Variants in FOXJ3 observed in about 807,000 individuals in gnomAD.
The protein encoded by FOXJ3 is forkhead box J3, also known as forkhead box protein J3.
In FOXJ3, 22 loss-of-function variants were observed where a neutral mutation model predicts 76.1. The ratio of observed to expected loss-of-function variants is 0.29; its 90% CI spans 0.21 to 0.41. The LOEUF is 0.41. Ranked by LOEUF, FOXJ3 falls within the 10% of genes least tolerant of loss-of-function variation. The probability of loss-of-function intolerance (pLI) is 1.00; values close to 1 mark genes in which losing one functional copy is unlikely to be tolerated. For missense variants in FOXJ3, 613 were observed against 762.1 expected, an observed-to-expected ratio of 0.80 and a Z score of 2.30; for synonymous variants, 269 against 261.2, an observed-to-expected ratio of 1.03 and a Z score of -0.29.
At chr1:42,225,901 A>G (rs1647518094) in intron 5 of FOXJ3, among the ~76,000 whole-genome samples, 1 of 152,222 alleles carries the variant, frequency 6.6e-6, no homozygotes, top group African/African-American at 2.4e-5. Flanking sequence ...TTAATAAAAC[A>G]AGGTAACAAG....
intron 5 of FOXJ3, among the ~76,000 whole-genome samples, chr1:42,214,810 T>C (rs77617645): frequency 2.2e-3 from 336 of 152,274 alleles, no homozygotes; most frequent in Non-Finnish European, 3.4e-3. Flanking sequence ...AAGGCAATCC[T>C]GTAAGAGAGA....
chr1:42,325,588 C>T (rs1655785282), intron 1 of FOXJ3, among the ~76,000 whole-genome samples: 1 of 152,130 alleles, frequency 6.6e-6, no homozygotes, highest in Non-Finnish European at 1.5e-5. Context: ...TCCAATGTAC[C>T]TGGATGAAAA....
intron 4 of FOXJ3, among the ~76,000 whole-genome samples, chr1:42,236,743 C>T (rs1648667341): frequency 6.6e-6 from 1 of 152,148 alleles, no homozygotes; most frequent in South Asian, 2.1e-4. Context: ...TACAAGTGAA[C>T]TCAAACTGTG....
intron 2 of FOXJ3, among the ~76,000 whole-genome samples, chr1:42,303,229 T>C (rs1365788192): frequency 6.6e-6 from 1 of 152,220 alleles, no homozygotes; most frequent in Non-Finnish European, 1.5e-5. Context: ...CTATCCCTAA[T>C]TACCTATATA....
chr1:42,322,784 A>C (rs1407374330), intron 1 of FOXJ3, among the ~76,000 whole-genome samples: 1 of 152,130 alleles, frequency 6.6e-6, no homozygotes, highest in South Asian at 2.1e-4. Flanking sequence ...TGAGAACTGA[A>C]TATGAGCCAA....
rs960624303 is a variant in FOXJ3, at chr1:42,324,058, G to A, written c.-18+11001C>T. On this transcript the variant is annotated intron_variant, in intron 1 of 12. Transcript: ENST00000361346. ...ACACACTATATATAGTATATACACT[G>A]TATATACACAGTGTATATATAGTAT... Among the ~76,000 whole-genome samples, 604 of 99,522 alleles carry A rather than the reference G, an allele frequency of 6.1e-3. 11 individuals carry two copies. Among genetic ancestry groups the A allele is most frequent in the African/African-American group, 0.019 (481 of 25,150 alleles). The allele number at this position is 99,522 out of a possible 152,430, so 65.3% of individuals were successfully genotyped here. A position where few individuals can be genotyped will look rare whatever the true frequency, so the allele number is the denominator to read the frequency against.
chr1:42,241,687 G>A (rs967759700), intron 4 of FOXJ3, among the ~76,000 whole-genome samples: 8 of 152,088 alleles, frequency 5.3e-5, no homozygotes, highest in Non-Finnish European at 1.0e-4. Context: ...ATACCACTTC[G>A]GATCCCAAGG....
chr1:42,244,150 C>T (rs1191121857), intron 4 of FOXJ3, among the ~76,000 whole-genome samples: 1 of 151,920 alleles, frequency 6.6e-6, no homozygotes, highest in African/African-American at 2.4e-5. Context: ...CATACCAAAA[C>T]CTATGGAGTA....
At chr1:42,254,080 T>C (rs1650358856) in intron 4 of FOXJ3, among the ~76,000 whole-genome samples, 1 of 151,858 alleles carries the variant, frequency 6.6e-6, no homozygotes, top group Admixed American at 6.6e-5. Flanking sequence ...AAAGGGCTAA[T>C]ATCCAGAATC....
rs992742134 is a variant in FOXJ3, at chr1:42,217,527, C to CA, written c.528+10355dup. Among the ~76,000 whole-genome samples the CA allele has an allele frequency of 6.5e-3, 899 of 138,238 alleles. 13 individuals are homozygous for CA. Among genetic ancestry groups the CA allele is most frequent in the African/African-American group, 0.021 (806 of 37,612 alleles). 90.7% of individuals were successfully genotyped at this position (138,238 alleles called of 152,430 possible). On this transcript the variant is annotated intron_variant, in intron 5 of 12. Coordinates refer to ENST00000361346, the MANE Select transcript of FOXJ3 (RefSeq NM_014947.5). Reference sequence around the variant, plus strand: ...CTGGCGACAGGGCAAGACTCCGCCTCAAAAAAAAAAAATCCTTACAATACC... The same window carrying CA: ...CTGGCGACAGGGCAAGACTCCGCCTCAAAAAAAAAAAAATCCTTACAATACC...
intron 3 of FOXJ3, among the ~76,000 whole-genome samples, chr1:42,266,698 G>A (rs1448287186): frequency 2.0e-5 from 3 of 152,156 alleles, no homozygotes; most frequent in Non-Finnish European, 4.4e-5. Context: ...ACCCAAGAAA[G>A]TCTCCCCTAG....
chr1:42,308,726 T>C (rs1202421424), intron 2 of FOXJ3, among the ~76,000 whole-genome samples: 2 of 152,194 alleles, frequency 1.3e-5, no homozygotes, highest in Non-Finnish European at 2.9e-5. Flanking sequence ...TTCTAGAATA[T>C]TGTGCAGAGG....
rs757709386 is a variant in FOXJ3 at position 42,179,761 on chromosome 1, G to C, written c.1818C>G (p.Ser606=). 6.2e-6 allele frequency: 10 copies of C among 1,614,046 alleles called. No individual in the cohort carries two copies. Among genetic ancestry groups the C allele is most frequent in the Non-Finnish European group, 8.5e-6 (10 of 1,179,948 alleles). The change falls in exon 13 of 13, where the codon TCC becomes TCG. Residue 606 remains serine, a synonymous_variant. Coordinates refer to ENST00000361346, the MANE Select transcript of FOXJ3 (RefSeq NM_014947.5). ...MPSQAFQMRR[S]LPPDDIQDDF... is the part of the protein sequence containing the mutation. ...CATCCTGGATGTCATCTGGAGGCAG[G>C]GAACGCCGCATCTGGAAGGCTTGGG...
At chr1:42,299,920 T>C (rs148023715) in intron 2 of FOXJ3, among the ~76,000 whole-genome samples, 58 of 151,144 alleles carry the variant, frequency 3.8e-4, no homozygotes, top group African/African-American at 1.4e-3. Context: ...AATATATATA[T>C]AGGACAGGCA....
chr1:42,318,217 A>G (rs750633230), intron 1 of FOXJ3, among the ~76,000 whole-genome samples: 4 of 152,246 alleles, frequency 2.6e-5, no homozygotes, highest in African/African-American at 4.8e-5. Flanking sequence ...CAACTCAATA[A>G]CCAAAAGACT....
chr1:42,237,513 T>C (rs963148933), intron 4 of FOXJ3, among the ~76,000 whole-genome samples: 3 of 149,514 alleles, frequency 2.0e-5, no homozygotes, highest in Admixed American at 6.7e-5. Context: ...GTTATTAGAC[T>C]TTTTAATATT....
chr1:42,229,777 T>C (rs938276566), intron 4 of FOXJ3, among the ~76,000 whole-genome samples: 2 of 152,002 alleles, frequency 1.3e-5, no homozygotes, highest in African/African-American at 4.8e-5. Flanking sequence ...TCAGAATAAA[T>C]GCAAGGGGGA....
Position 42,178,802 on chromosome 1 carries a change from A to G in FOXJ3, c.*908T>C, listed in dbSNP as rs551196066. ...TCCATCTCAAAAAAAGAAAAAAATA[A>G]TAATAGTTCTGTGCTTTCAGACACA... On this transcript the variant is annotated 3_prime_UTR_variant, in exon 13 of 13. Coordinates refer to ENST00000361346, the MANE Select transcript of FOXJ3 (RefSeq NM_014947.5). The G allele has an allele frequency of 2.0e-5, 3 of 152,792 alleles. No individual in the cohort carries two copies. In the South Asian group the frequency reaches 6.2e-4, roughly 32 times the overall value. The allele number at this position is 152,792 out of a possible 1,614,324, so 9.5% of individuals were successfully genotyped here. A position where few individuals can be genotyped will look rare whatever the true frequency, so the allele number is the denominator to read the frequency against.
intron 1 of FOXJ3, among the ~76,000 whole-genome samples, chr1:42,333,590 G>C (rs185699389): frequency 5.3e-5 from 8 of 152,228 alleles, no homozygotes; most frequent in Admixed American, 5.2e-4. Flanking sequence ...AAAGAGAGGA[G>C]TTACTGCTTT....
Sources: gnomAD v4.1 joint callset for allele counts (sites outside exome capture counted in the v4.1 genomes callset) on GRCh38, gnomAD v4.1.1 for gene constraint, MANE v1.5 for transcripts, NCBI Gene and HGNC (gene_info 2026-07-23, HGNC 2026-07-21) for gene names.